Variants in IAPP observed in about 807,000 individuals in gnomAD.
The protein encoded by IAPP is Islet amyloid polypeptide (diabetes-associated peptide; amylin).
Under a neutral mutation model 2.9 loss-of-function variants are expected in IAPP, and 4 were observed. The observed-to-expected ratio is 1.39, with a 90% CI of 0.69 to 3.19. The LOEUF (loss-of-function observed/expected upper bound fraction) is 3.19. Among genes scored for constraint, IAPP ranks in the 30% most tolerant of loss-of-function variants. The probability of loss-of-function intolerance (pLI) is 0.01; values close to 1 mark genes in which losing one functional copy is unlikely to be tolerated. For synonymous variants in IAPP, 40 were observed against 42.1 expected (o/e 0.95, Z 0.19); for missense variants, 114 against 105.3 (o/e 1.08, Z -0.36).
chr12:21,362,938 TA>T (rs1242694897), intron 1 of IAPP, among the ~76,000 whole-genome samples: 1 of 151,966 alleles, frequency 6.6e-6, no homozygotes, highest in Admixed American at 6.6e-5. Flanking sequence ...TCCCACACAA[TA>T]ATAATGGGAG....
chr12:21,362,937 A>G (rs927665832), intron 1 of IAPP, among the ~76,000 whole-genome samples: 2 of 152,184 alleles, frequency 1.3e-5, no homozygotes, highest in African/African-American at 4.8e-5. Context: ...CTCCCACACA[A>G]TAATAATGGG....
chr12:21,375,731 C>A (rs768826696), intron 2 of IAPP, among the ~76,000 whole-genome samples: 1 of 152,206 alleles, frequency 6.6e-6, no homozygotes. Context: ...ATTTTGAAAA[C>A]TCTGGAGAGA....
At chr12:21,361,058 T>C (rs1938824437) in intron 1 of IAPP, among the ~76,000 whole-genome samples, 1 of 152,070 alleles carries the variant, frequency 6.6e-6, no homozygotes, top group African/African-American at 2.4e-5. Context: ...AGCACGGAGT[T>C]TGAGATCTGA....
chr12:21,357,408 AC>A (rs1345889116), intron 1 of IAPP, among the ~76,000 whole-genome samples: 1 of 152,208 alleles, frequency 6.6e-6, no homozygotes, highest in Non-Finnish European at 1.5e-5. Flanking sequence ...GAGGCATGGA[AC>A]AGCCCTCAGA....
At chr12:21,358,669 T>A (rs1182772842) in intron 1 of IAPP, among the ~76,000 whole-genome samples, 5 of 152,006 alleles carry the variant, frequency 3.3e-5, no homozygotes, top group Non-Finnish European at 7.4e-5. Context: ...AAAAATTAAC[T>A]TTGAAACATG....
At chr12:21,376,310 T>C (rs1025885191) in intron 2 of IAPP, 41 of 353,956 alleles carry the variant, frequency 1.2e-4, no homozygotes, top group African/African-American at 8.6e-4. Flanking sequence ...TTTCCTTTAT[T>C]ACTTTTTTTG....
At chr12:21,370,215 AT>A (rs1174217114), upstream of IAPP, among the ~76,000 whole-genome samples, 5 of 152,156 alleles carry the variant, frequency 3.3e-5, no homozygotes, top group African/African-American at 1.2e-4. Flanking sequence ...TTATCTATAA[AT>A]TAGGGCAAAT....
chr12:21,357,316 C>T (rs1420805087), intron 1 of IAPP, among the ~76,000 whole-genome samples: 1 of 152,110 alleles, frequency 6.6e-6, no homozygotes, highest in Non-Finnish European at 1.5e-5. Context: ...GGGATAATGC[C>T]TCATGGGAAT....
rs1940472618 is a variant in IAPP at position 21,379,792 on chromosome 12, T to C, written c.*1366T>C. 1 of 152,194 alleles carries C rather than the reference T, an allele frequency of 6.6e-6. No individual in the cohort carries two copies. Among genetic ancestry groups the C allele is most frequent in the African/African-American group, 2.4e-5 (1 of 41,450 alleles). 9.4% of individuals were successfully genotyped at this position (152,194 alleles called of 1,614,324 possible). On this transcript the variant is annotated 3_prime_UTR_variant, in exon 3 of 3. Transcript: ENST00000240652. ...TCAATCTAAGTGGAAATTTGACTCA[T>C]TGACTTACATTTCTAAGTTAAAATT...
At chr12:21,373,601 C>T in intron 2 of IAPP, 170 bp downstream of exon 2, 1 of 702,462 alleles carries the variant, frequency 1.4e-6, no homozygotes. Flanking sequence ...TAAAGAATAA[C>T]ACCAGTGGCA....
rs192216368 is a variant in IAPP, at chr12:21,361,052, C to T, written c.-16+6039C>T. On this transcript the variant is annotated intron_variant, in intron 1 of 2. Coordinates refer to the IAPP transcript ENST00000539393. ...GAAGAGAGTTGTGGTTCTCCCAGCA[C>T]GGAGTTTGAGATCTGAGAAAGGAAA... Among the ~76,000 whole-genome samples, 197 of 152,282 alleles carry T rather than the reference C, an allele frequency of 1.3e-3. 1 individual carries two copies. Among genetic ancestry groups the T allele is most frequent in the South Asian group, 6.4e-3 (31 of 4,826 alleles).
chr12:21,363,556 T>A (rs1275582829), intron 1 of IAPP, among the ~76,000 whole-genome samples: 2 of 152,042 alleles, frequency 1.3e-5, no homozygotes, highest in African/African-American at 4.8e-5. Flanking sequence ...AGAGCAGAAC[T>A]GAAGTAGATA....
intron 2 of IAPP, chr12:21,374,306 G>A (rs1049596745): frequency 6.6e-6 from 1 of 152,236 alleles, no homozygotes; most frequent in African/African-American, 2.4e-5. Context: ...ATAACATAGT[G>A]AGGATTTGTT....
upstream of IAPP, among the ~76,000 whole-genome samples, chr12:21,371,061 T>C (rs193015051): frequency 2.6e-5 from 4 of 152,346 alleles, no homozygotes; most frequent in East Asian, 7.7e-4. Context: ...ACGGCGGTTT[T>C]GCAGTCATAT....
chr12:21,375,092 A>G (rs560493282), intron 2 of IAPP, among the ~76,000 whole-genome samples: 6 of 152,206 alleles, frequency 3.9e-5, no homozygotes, highest in African/African-American at 1.2e-4. Context: ...TTCTGGGATT[A>G]TAAGAGTGAG....
At chr12:21,372,464 C>T (rs1939870246), upstream of IAPP, among the ~76,000 whole-genome samples, 1 of 152,114 alleles carries the variant, frequency 6.6e-6, no homozygotes, top group Admixed American at 6.5e-5. Context: ...TTTTATACAC[C>T]TTTCCCTTAT....
At chr12:21,365,241 C>G (rs1236135225) in intron 1 of IAPP, among the ~76,000 whole-genome samples, 2 of 152,000 alleles carry the variant, frequency 1.3e-5, no homozygotes, top group Admixed American at 6.6e-5. Flanking sequence ...GAAATAATAC[C>G]ACACATCTAC....
At chr12:21,358,212 A>T (rs1467459096) in intron 1 of IAPP, among the ~76,000 whole-genome samples, 3 of 152,228 alleles carry the variant, frequency 2.0e-5, no homozygotes. Context: ...TCTCTGGCAA[A>T]GTGAATCTGT....
Position 21,373,435 on chromosome 12 carries a change from G to A in IAPP, c.80+4G>A, listed in dbSNP as rs1450606637. The A allele has an allele frequency of 6.2e-7, 1 of 1,603,786 alleles. No individual in the cohort carries two copies. Among genetic ancestry groups the A allele is most frequent in the East Asian group, 2.2e-5 (1 of 44,748 alleles). Reference sequence around the variant, plus strand: ...TGAAAGCTACACCCATTGAAAGGTTGGTAACTTTAAAATCCTGTTTCTTTG... The same window carrying A: ...TGAAAGCTACACCCATTGAAAGGTTAGTAACTTTAAAATCCTGTTTCTTTG... On this transcript the variant is annotated splice_donor_region_variant and intron_variant, in intron 2 of 2. Coordinates refer to ENST00000240652, the MANE Select transcript of IAPP (RefSeq NM_000415.3).
Sources: allele counts gnomAD v4.1 joint callset (sites outside exome capture counted in the v4.1 genomes callset), GRCh38; gene constraint gnomAD v4.1.1; transcripts MANE v1.5; gene names NCBI Gene and HGNC (gene_info 2026-07-23, HGNC 2026-07-21).